The following SLC17A5 variants were observed in gnomAD, a reference collection of about 807,000 sequenced individuals.
The protein encoded by SLC17A5 is solute carrier family 17 member 5.
A neutral mutation model predicts 59.4 loss-of-function variants in SLC17A5; 47 were observed. The observed-to-expected ratio is 0.79, with a 90% CI of 0.63 to 1.01. SLC17A5 has a LOEUF of 1.01. Among genes scored for constraint, SLC17A5 ranks in the 50% least tolerant of loss-of-function variants. The pLI is 0.00. For missense variants in SLC17A5, 522 were observed against 595.5 expected (o/e 0.88, Z 1.28); for synonymous variants, 202 against 210.7 (o/e 0.96, Z 0.36).
chr6:73,631,224 G>A (rs2150108787), intron 6 of SLC17A5, among the ~76,000 whole-genome samples: 1 of 151,048 alleles, frequency 6.6e-6, no homozygotes, highest in South Asian at 2.1e-4. Flanking sequence ...TCACCCCACT[G>A]CATGACAGTC....
At chr6:73,626,347 A>G (rs1035872574) in intron 6 of SLC17A5, among the ~76,000 whole-genome samples, 1 of 152,234 alleles carries the variant, frequency 6.6e-6, no homozygotes, top group Non-Finnish European at 1.5e-5. Context: ...GCTTAGAAAG[A>G]AGAATGTGAA....
At chr6:73,614,094 C>T (rs865782170) in intron 8 of SLC17A5, among the ~76,000 whole-genome samples, 1 of 152,046 alleles carries the variant, frequency 6.6e-6, no homozygotes. Flanking sequence ...GGTGAAACCC[C>T]GTCTTCAGTA....
intron 6 of SLC17A5, among the ~76,000 whole-genome samples, chr6:73,624,986 A>G (rs1055477226): frequency 6.6e-6 from 1 of 152,150 alleles, no homozygotes; most frequent in African/African-American, 2.4e-5. Flanking sequence ...TCAGATTTTT[A>G]TATTTTCTAT....
At chr6:73,641,645 A>G in intron 3 of SLC17A5, 46 bp downstream of exon 3, 3 of 1,341,222 alleles carry the variant, frequency 2.2e-6, no homozygotes, top group Non-Finnish European at 3.1e-6. Flanking sequence ...GAAGAAGAGA[A>G]GGAGACACAC....
chr6:73,616,786 T>C (rs1252524592), intron 7 of SLC17A5, among the ~76,000 whole-genome samples: 1 of 152,004 alleles, frequency 6.6e-6, no homozygotes, highest in East Asian at 1.9e-4. Flanking sequence ...TTTGTATTTT[T>C]AGTAGAGACG....
intron 1 of SLC17A5, among the ~76,000 whole-genome samples, chr6:73,651,112 A>T (rs1581995420): frequency 6.6e-6 from 1 of 152,194 alleles, no homozygotes; most frequent in African/African-American, 2.4e-5. Context: ...AAAACATTTC[A>T]ATCATTTGGA....
At chr6:73,640,447 A>G (rs1769226099) in intron 3 of SLC17A5, among the ~76,000 whole-genome samples, 1 of 152,236 alleles carries the variant, frequency 6.6e-6, no homozygotes, top group Non-Finnish European at 1.5e-5. Flanking sequence ...CAGGGAAGGT[A>G]TTTTAGTCCC....
chr6:73,623,666 A>G, intron 6 of SLC17A5, among the ~76,000 whole-genome samples: 1 of 18,306 alleles, frequency 5.5e-5, no homozygotes, highest in East Asian at 1.7e-3. Flanking sequence ...TTTTATTTTT[A>G]TTTATTTATT....
chr6:73,618,925 C>T (rs991363004), intron 7 of SLC17A5, among the ~76,000 whole-genome samples: 4 of 152,128 alleles, frequency 2.6e-5, no homozygotes, highest in African/African-American at 9.7e-5. Flanking sequence ...TGGGATTTCA[C>T]CGTGTTGCTC....
At chr6:73,653,635 C>A (rs1375356090) in intron 1 of SLC17A5, 158 bp downstream of exon 1, 6 of 524,100 alleles carry the variant, frequency 1.1e-5, no homozygotes, top group Non-Finnish European at 1.5e-5. Context: ...CGGGACTGAG[C>A]GGCACTCTGA....
At chr6:73,615,031 G>A (rs1011420807) in intron 8 of SLC17A5, among the ~76,000 whole-genome samples, 5 of 152,112 alleles carry the variant, frequency 3.3e-5, no homozygotes, top group Non-Finnish European at 7.3e-5. Flanking sequence ...GTAGGGGGGC[G>A]ATCTTGTGGA....
chr6:73,612,684 C>T (rs1767683995), intron 8 of SLC17A5, among the ~76,000 whole-genome samples: 1 of 152,116 alleles, frequency 6.6e-6, no homozygotes, highest in Non-Finnish European at 1.5e-5. Context: ...AAGAGATTTT[C>T]TCACCTTAGC....
rs9446938 is a variant in SLC17A5 at position 73,612,223 on chromosome 6, C to T, written c.1112-1676G>A. On this transcript the variant is annotated intron_variant, in intron 8 of 10. Coordinates refer to ENST00000355773, the MANE Select transcript of SLC17A5 (RefSeq NM_012434.5). ...TTTTGCCCAGACTGGAGTGCAGTGG[C>T]GAAATCTTGGCTCACTGCAACCTCT... Among the ~76,000 whole-genome samples the T allele has an allele frequency of 5.0e-3, 749 of 151,052 alleles. 5 individuals carry two copies. Among genetic ancestry groups the T allele is most frequent in the African/African-American group, 0.017 (687 of 41,114 alleles).
At chr6:73,600,311 T>C (rs765055751) in intron 10 of SLC17A5, 40 bp downstream of exon 10, 1 of 1,431,438 alleles carries the variant, frequency 7.0e-7, no homozygotes, top group Non-Finnish European at 9.9e-7. Context: ...GATGTGCAGC[T>C]CCAAAACCTT....
At chr6:73,623,140 C>T (rs569814825) in intron 6 of SLC17A5, among the ~76,000 whole-genome samples, 53 of 150,478 alleles carry the variant, frequency 3.5e-4, no homozygotes, top group Non-Finnish European at 5.8e-4. Flanking sequence ...CACTTCAAGT[C>T]GGATTCTCCT....
chr6:73,594,116 T>G lies in SLC17A5; in HGVS notation c.*961A>C, dbSNP rs1766691847. On this transcript the variant is annotated 3_prime_UTR_variant, in exon 11 of 11. Transcript: ENST00000355773. ...TCACTGCAACTTCCACCTCCCAGGTTCAAGTGATTCTCCTACCTCAGCCTC... is the reference window on the plus strand; with the variant it reads ...TCACTGCAACTTCCACCTCCCAGGTGCAAGTGATTCTCCTACCTCAGCCTC... The G allele has an allele frequency of 6.6e-6, 1 of 151,980 alleles. No individual in the cohort carries two copies. Among genetic ancestry groups the G allele is most frequent in the Non-Finnish European group, 1.5e-5 (1 of 68,012 alleles). The allele number at this position is 151,980 out of a possible 1,614,324, so 9.4% of individuals were successfully genotyped here.
At chr6:73,644,895 A>C (rs1769469115) in intron 1 of SLC17A5, among the ~76,000 whole-genome samples, 1 of 152,268 alleles carries the variant, frequency 6.6e-6, no homozygotes, top group African/African-American at 2.4e-5. Context: ...AAATCTAAGA[A>C]ACATTTGTCA....
intron 9 of SLC17A5, among the ~76,000 whole-genome samples, chr6:73,601,843 C>T (rs1475931885): frequency 1.3e-5 from 2 of 150,492 alleles, no homozygotes; most frequent in African/African-American, 2.4e-5. Flanking sequence ...CCCGGCCAGC[C>T]GCCCCGTCCG....
intron 8 of SLC17A5, among the ~76,000 whole-genome samples, chr6:73,611,895 C>A (rs976965139): frequency 6.6e-6 from 1 of 151,800 alleles, no homozygotes; most frequent in African/African-American, 2.4e-5. Flanking sequence ...TGCAGTGGTG[C>A]GATCATGGCT....
Sources: gnomAD v4.1 joint callset for allele counts (sites outside exome capture counted in the v4.1 genomes callset) on GRCh38, gnomAD v4.1.1 for gene constraint, MANE v1.5 for transcripts, NCBI Gene and HGNC (gene_info 2026-07-23, HGNC 2026-07-21) for gene names.